The following TRIM38 variants were observed in gnomAD, a reference collection of about 807,000 sequenced individuals.
TRIM38 encodes the protein tripartite motif containing 38, also known as E3 ubiquitin-protein ligase TRIM38.
TRIM38 carries 35 observed loss-of-function variants against 35.8 expected under a neutral mutation model. That is an observed-to-expected ratio of 0.98 (90% CI 0.75 to 1.30). The LOEUF is 1.30. TRIM38 is among the 50% of genes most tolerant of loss of function. The pLI is 0.00. For synonymous variants in TRIM38, 198 were observed against 204.7 expected (o/e 0.97, Z 0.28); for missense variants, 545 against 556.9 (o/e 0.98, Z 0.21).
At position 25,971,935 on chromosome 6, in the gene TRIM38, G is replaced by A. The variant is rs1760245314; in HGVS notation, c.574G>A (p.Glu192Lys). Residue 192 changes from glutamate (E) to lysine (K), a missense_variant, in exon 5 of 8, where the codon GAG (glutamate) becomes AAG (lysine). Glu to Lys is a moderately conservative substitution (Grantham distance 56). Transcript: ENST00000357085. Reference sequence around the variant, plus strand: ...TAAGAATCTCCAGTGTTTCCTACATGAGGAAGAGAAGTCTTATCTCTGGAG... The same window carrying A: ...TAAGAATCTCCAGTGTTTCCTACATAAGGAAGAGAAGTCTTATCTCTGGAG... ...DFKNLQCFLH[E>K]EEKSYLWRLE... 3 of 1,614,032 alleles carry A rather than the reference G, an allele frequency of 1.9e-6. No homozygotes were observed. The highest frequency in any genetic ancestry group is 3.3e-5 in the Admixed American group (2 of 60,002).
At chr6:25,983,041 A>G in intron 7 of TRIM38, 123 bp from the exon 8 acceptor site, 1 of 914,640 alleles carries the variant, frequency 1.1e-6, no homozygotes, top group South Asian at 1.8e-5. Flanking sequence ...GTGAGTTGAG[A>G]TAGTGCCAGT....
intron 4 of TRIM38, among the ~76,000 whole-genome samples, chr6:25,970,516 CTTTG>C (rs1449754616): frequency 1.3e-5 from 2 of 152,124 alleles, no homozygotes; most frequent in African/African-American, 4.8e-5. Flanking sequence ...CTACCCTGAT[CTTTG>C]TTTGTGGATG....
At chr6:25,971,312 C>A (rs144566612) in intron 4 of TRIM38, among the ~76,000 whole-genome samples, 1 of 152,224 alleles carries the variant, frequency 6.6e-6, no homozygotes, top group African/African-American at 2.4e-5. Flanking sequence ...CAACCTCTTC[C>A]ACATCTGAGT....
At position 25,966,441 on chromosome 6, in the gene TRIM38, G is replaced by GGT; in HGVS notation, c.-79_-78dup. On this transcript the variant is annotated 5_prime_UTR_variant, in exon 3 of 8. Coordinates refer to ENST00000357085, the MANE Select transcript of TRIM38 (RefSeq NM_006355.5). ...GCTCATCACATAGAGGTGCAGGTGA[G>GGT]GTGTATTTTCATCACGGTGGAAAAT... is the stretch of plus-strand genomic sequence containing the variant. The GGT allele has an allele frequency of 7.1e-7, 1 of 1,410,786 alleles. No homozygotes were observed. Among genetic ancestry groups the GGT allele is most frequent in the Admixed American group, 2.4e-5 (1 of 41,012 alleles). The allele number at this position is 1,410,786 out of a possible 1,614,324, so 87.4% of individuals were successfully genotyped here. A position where few individuals can be genotyped will look rare whatever the true frequency, so the allele number is the denominator to read the frequency against.
chr6:25,973,141 C>T, intron 6 of TRIM38, 32 bp from the exon 7 acceptor site: 3 of 1,614,154 alleles, frequency 1.9e-6, no homozygotes, highest in Non-Finnish European at 8.5e-7. Flanking sequence ...GAATGCACCT[C>T]TGAAGAAATC....
chr6:25,968,273 G>A (rs1581598771), intron 3 of TRIM38, among the ~76,000 whole-genome samples: 1 of 152,122 alleles, frequency 6.6e-6, no homozygotes, highest in Admixed American at 6.5e-5. Context: ...TAATAACTGC[G>A]ATGATCATAT....
intron 7 of TRIM38, 37 bp from the exon 8 acceptor site, chr6:25,983,127 A>G: frequency 6.5e-7 from 1 of 1,530,558 alleles, no homozygotes; most frequent in Non-Finnish European, 8.8e-7. Flanking sequence ...CTTCACAGCA[A>G]CAAAATTATT....
intron 5 of TRIM38, among the ~76,000 whole-genome samples, chr6:25,972,804 T>C (rs965754985): frequency 6.6e-6 from 1 of 152,222 alleles, no homozygotes; most frequent in Non-Finnish European, 1.5e-5. Context: ...TGAGAATAGA[T>C]GCAAATGTTG....
chr6:25,974,883 C>G, intron 7 of TRIM38: 2 of 985,382 alleles, frequency 2.0e-6, no homozygotes, highest in Non-Finnish European at 2.4e-6. Flanking sequence ...CAAAAGCACT[C>G]TGTATTTCAT....
intron 7 of TRIM38, among the ~76,000 whole-genome samples, chr6:25,980,845 C>T (rs1012906487): frequency 6.6e-6 from 1 of 152,042 alleles, no homozygotes; most frequent in Non-Finnish European, 1.5e-5. Context: ...TGTGTCACAC[C>T]AATAGATAGG....
chr6:25,983,191 C>A lies in TRIM38; in HGVS notation c.902C>A (p.Ala301Asp). 6.2e-7 allele frequency: 1 copy of A among 1,606,004 alleles called. No homozygotes were observed. The highest frequency in any genetic ancestry group is 8.5e-7 in the Non-Finnish European group (1 of 1,176,188). Residue 301 changes from alanine to aspartate, a missense_variant, in exon 8 of 8, where the codon GCT becomes GAT. Transcript: ENST00000357085. The stretch of plus-strand genomic sequence containing the variant: ...AGTGTGACTCTGGATCCAGATACAG[C>A]TCATCACGAACTAATTCTCTCTGAG... ...QVSVTLDPDT[A>D]HHELILSEDR... is the part of the protein sequence containing the mutation.
chr6:25,981,770 CTGATTCTCAATGTTGGTGGTTA>C (rs1181599647), intron 7 of TRIM38, among the ~76,000 whole-genome samples: 1 of 152,218 alleles, frequency 6.6e-6, no homozygotes, highest in Non-Finnish European at 1.5e-5. Flanking sequence ...TTTTCCCTCT[CTGATTCTCAATGTTGGTGGTTA>C]TTCAGTAGAG....
Position 25,990,705 on chromosome 6 carries a change from A to C in TRIM38, c.*7018A>C, listed in dbSNP as rs1760812759. 6.6e-6 allele frequency: 1 copy of C among 151,424 alleles called. No individual in the cohort carries two copies. Among genetic ancestry groups the C allele is most frequent in the African/African-American group, 2.4e-5 (1 of 41,114 alleles). The allele number at this position is 151,424 out of a possible 1,614,324, so 9.4% of individuals were successfully genotyped here. A position where few individuals can be genotyped will look rare whatever the true frequency, so the allele number is the denominator to read the frequency against. On this transcript the variant is annotated 3_prime_UTR_variant, in exon 8 of 8. Coordinates refer to ENST00000357085, the MANE Select transcript of TRIM38 (RefSeq NM_006355.5). Reference sequence around the variant, plus strand: ...AAATGTTAAATAGGTTTTATTAAATAATTAAATAAAAATGAAAATAATCAG... The same window carrying C: ...AAATGTTAAATAGGTTTTATTAAATCATTAAATAAAAATGAAAATAATCAG...
intron 2 of TRIM38, among the ~76,000 whole-genome samples, chr6:25,963,949 C>T (rs1444488765): frequency 1.4e-5 from 2 of 144,498 alleles, no homozygotes; most frequent in Admixed American, 6.9e-5. Context: ...AAAAAACAAC[C>T]GACCTTATTA....
In TRIM38 at chr6:25,980,151, C is replaced by G. The variant is rs192006675; in HGVS notation, c.875-3013C>G. On this transcript the variant is annotated intron_variant, in intron 7 of 7. Transcript: ENST00000357085. ...TTACTATTATTAAACAATTGCTGAG[C>G]TTTATGTATTGACTATGAGATTGCG... Among the ~76,000 whole-genome samples the G allele has an allele frequency of 2.0e-5, 3 of 152,238 alleles. No individual in the cohort carries two copies. In the East Asian group the frequency reaches 5.8e-4, roughly 29 times the overall value.
intron 2 of TRIM38, among the ~76,000 whole-genome samples, chr6:25,964,801 T>C (rs1347400779): frequency 7.0e-6 from 1 of 142,618 alleles, no homozygotes; most frequent in Non-Finnish European, 1.5e-5. Context: ...AGAGTAATTC[T>C]GGTACCAATT....
intron 4 of TRIM38, among the ~76,000 whole-genome samples, chr6:25,970,287 A>T (rs1760193037): frequency 6.6e-6 from 1 of 152,168 alleles, no homozygotes; most frequent in African/African-American, 2.4e-5. Context: ...CTTTCAGATT[A>T]TTTCCGTGGC....
At chr6:25,978,097 T>C (rs899611301) in intron 7 of TRIM38, among the ~76,000 whole-genome samples, 3 of 151,982 alleles carry the variant, frequency 2.0e-5, no homozygotes, top group African/African-American at 7.3e-5. Flanking sequence ...TATATACACA[T>C]ACACACATAT....
intron 7 of TRIM38, among the ~76,000 whole-genome samples, chr6:25,977,426 T>C (rs1183040485): frequency 2.0e-5 from 3 of 152,200 alleles, no homozygotes; most frequent in East Asian, 1.9e-4. Context: ...TCCCAGCACA[T>C]TGGGAGGCCG....
Sources: allele counts gnomAD v4.1 joint callset (sites outside exome capture counted in the v4.1 genomes callset), GRCh38; gene constraint gnomAD v4.1.1; transcripts MANE v1.5; gene names NCBI Gene and HGNC (gene_info 2026-07-23, HGNC 2026-07-21).